SLC1A6: variants seen among roughly 807,000 people sequenced by gnomAD.
The protein encoded by SLC1A6 is solute carrier family 1 member 6.
A neutral mutation model predicts 42.1 loss-of-function variants in SLC1A6; 15 were observed. That is an observed-to-expected ratio of 0.36 (90% CI 0.24 to 0.55). SLC1A6 has a LOEUF of 0.55. Among genes scored for constraint, SLC1A6 ranks in the 20% least tolerant of loss-of-function variants. The probability of loss-of-function intolerance (pLI) is 0.88; values close to 1 mark genes in which losing one functional copy is unlikely to be tolerated. For missense variants in SLC1A6, 542 were observed against 772.5 expected, an observed-to-expected ratio of 0.70 and a Z score of 3.54; for synonymous variants, 317 against 319.7, an observed-to-expected ratio of 0.99 and a Z score of 0.09.
intron 1 of SLC1A6, 105 bp from the exon 2 acceptor site, chr19:14,973,022 T>G: frequency 1.1e-6 from 1 of 879,652 alleles, no homozygotes; most frequent in Non-Finnish European, 1.7e-6. Context: ...CTGAGGACTC[T>G]CAGAAGGCGG....
At chr19:14,972,106 A>G (rs1157947346) in intron 2 of SLC1A6, among the ~76,000 whole-genome samples, 1 of 145,004 alleles carries the variant, frequency 6.9e-6, no homozygotes, top group Non-Finnish European at 1.5e-5. Context: ...GCAAATGTAA[A>G]TGTGTAAATG....
upstream of SLC1A6, chr19:14,980,056 G>C (rs893104983): frequency 6.6e-6 from 1 of 152,356 alleles, no homozygotes; most frequent in Non-Finnish European, 1.5e-5. Context: ...GCCTGGGGAA[G>C]GCGCGGCTCT....
At chr19:14,996,125 A>C (rs2045844786) in intron 1 of SLC1A6, among the ~76,000 whole-genome samples, 1 of 152,244 alleles carries the variant, frequency 6.6e-6, no homozygotes, top group Non-Finnish European at 1.5e-5. Flanking sequence ...TATTTGTCTT[A>C]CTTCAAAATT....
upstream of SLC1A6, among the ~76,000 whole-genome samples, chr19:14,982,856 A>G (rs2045774753): frequency 6.6e-6 from 1 of 152,266 alleles, no homozygotes; most frequent in Non-Finnish European, 1.5e-5. Context: ...TATTCATTTT[A>G]ACATAACAAA....
chr19:15,004,230 A>C (rs966634160), intron 1 of SLC1A6, among the ~76,000 whole-genome samples: 1 of 150,122 alleles, frequency 6.7e-6, no homozygotes, highest in Admixed American at 6.6e-5. Flanking sequence ...ATAACTCCCT[A>C]TTGGCCTGAG....
At chr19:14,962,459 G>A (rs950955404) in intron 5 of SLC1A6, 114 bp from the exon 6 acceptor site, 2 of 710,166 alleles carry the variant, frequency 2.8e-6, no homozygotes, top group African/African-American at 3.5e-5. Context: ...AGATCGATAA[G>A]ATCTTCATTA....
At position 14,964,307 on chromosome 19, in the gene SLC1A6, C is replaced by A. The variant is rs764182364; in HGVS notation, c.591+12G>T. 5 of 1,612,252 alleles carry A rather than the reference C, an allele frequency of 3.1e-6. No homozygotes were observed. In the South Asian group the frequency reaches 4.4e-5, roughly 14 times the overall value. ...CGAATCTCCTTGATCAAACTGTGTA[C>A]TTCCCCCTGACCTGTTTGAAGCAGG... On this transcript the variant is annotated intron_variant, in intron 5 of 9. Transcript: ENST00000594383.
chr19:14,961,750 TGAAA>T lies in SLC1A6; in HGVS notation c.935+248_935+251del, dbSNP rs796914956. 5.6e-5 allele frequency: 26 copies of T among 463,732 alleles called. 1 individual carries two copies. Among genetic ancestry groups the T allele is most frequent in the African/African-American group, 4.7e-4 (24 of 51,532 alleles). The allele number at this position is 463,732 out of a possible 1,614,324, so 28.7% of individuals were successfully genotyped here. A position where few individuals can be genotyped will look rare whatever the true frequency, so the allele number is the denominator to read the frequency against. ...ATCATTGCAGAAGGACATGAATGAA[TGAAA>T]GAGTGAGATATTCCATGAACTAACC... is the stretch of plus-strand genomic sequence containing the variant. On this transcript the variant is annotated intron_variant, in intron 6 of 9. Transcript: ENST00000594383.
chr19:15,008,694 G>A (rs2045908199), intron 1 of SLC1A6, among the ~76,000 whole-genome samples: 1 of 152,022 alleles, frequency 6.6e-6, no homozygotes, highest in Admixed American at 6.6e-5. Context: ...GTTAAAATAT[G>A]GTATACAAGC....
intron 6 of SLC1A6, among the ~76,000 whole-genome samples, chr19:14,960,930 C>CTTTTTT (rs58843508): frequency 2.2e-5 from 3 of 138,706 alleles, no homozygotes; most frequent in African/African-American, 8.1e-5. Flanking sequence ...TGGTCTCTCC[C>CTTTTTT]TTTTTTTTTT....
rs145881232 is a variant in SLC1A6 at position 14,998,641 on chromosome 19, T to C, written c.6+11844A>G. Reference sequence around the variant, plus strand: ...GACACCAAATTCCAAATTACTTTAGTATAGCATCACATGACAGATAGCAGG... The same window carrying C: ...GACACCAAATTCCAAATTACTTTAGCATAGCATCACATGACAGATAGCAGG... On this transcript the variant is annotated intron_variant, in intron 1 of 8. Coordinates refer to the SLC1A6 transcript ENST00000430939. 6.6e-3 allele frequency among the ~76,000 whole-genome samples: 1,003 copies of C among 152,270 alleles called. 6 individuals carry two copies. Among genetic ancestry groups the C allele is most frequent in the African/African-American group, 0.023 (962 of 41,562 alleles).
chr19:14,997,014 G>A (rs1210440176), intron 1 of SLC1A6, among the ~76,000 whole-genome samples: 3 of 152,066 alleles, frequency 2.0e-5, no homozygotes, highest in Admixed American at 6.6e-5. Flanking sequence ...AAGTCAAGCT[G>A]GGAACTACTT....
chr19:14,971,920 A>G (rs368489740), intron 2 of SLC1A6, 46 bp from the exon 3 acceptor site: 109 of 1,604,508 alleles, frequency 6.8e-5, no homozygotes, highest in Non-Finnish European at 7.1e-5. Context: ...TGGGTCGCTC[A>G]GCCCCAGGCA....
intron 6 of SLC1A6, among the ~76,000 whole-genome samples, chr19:14,957,922 G>A (rs141054164): frequency 1.2e-4 from 18 of 152,272 alleles, no homozygotes; most frequent in African/African-American, 3.6e-4. Context: ...TAGGAGTGCT[G>A]GAGGACCAGA....
intron 1 of SLC1A6, among the ~76,000 whole-genome samples, chr19:14,985,362 C>CGG (rs1474949464): frequency 6.6e-6 from 1 of 152,092 alleles, no homozygotes; most frequent in Non-Finnish European, 1.5e-5. Context: ...GTTTTGGTCA[C>CGG]GGGGGTGGAT....
intron 1 of SLC1A6, among the ~76,000 whole-genome samples, chr19:15,005,497 G>A (rs1324062019): frequency 6.6e-6 from 1 of 152,014 alleles, no homozygotes. Context: ...CAACAAGAGT[G>A]AAACTCCTTC....
At chr19:14,985,400 C>T (rs950072158) in intron 1 of SLC1A6, among the ~76,000 whole-genome samples, 2 of 152,060 alleles carry the variant, frequency 1.3e-5, no homozygotes, top group South Asian at 4.2e-4. Flanking sequence ...CTGCCATTCT[C>T]CTGGTAATGA....
intron 1 of SLC1A6, among the ~76,000 whole-genome samples, chr19:14,989,822 T>A (rs1324978304): frequency 6.6e-6 from 1 of 151,404 alleles, no homozygotes; most frequent in African/African-American, 2.4e-5. Context: ...TGAAAACCCA[T>A]CTGTACTAAA....
intron 3 of SLC1A6, among the ~76,000 whole-genome samples, chr19:14,970,483 G>C (rs567506549): frequency 3.3e-5 from 5 of 152,002 alleles, no homozygotes; most frequent in African/African-American, 9.7e-5. Flanking sequence ...AGGCCAAGGC[G>C]GGCGGATCAC....
Sources: allele counts gnomAD v4.1 joint callset (sites outside exome capture counted in the v4.1 genomes callset), GRCh38; gene constraint gnomAD v4.1.1; transcripts MANE v1.5; gene names NCBI Gene and HGNC (gene_info 2026-07-23, HGNC 2026-07-21).